The following MTA2 variants were observed in gnomAD, a reference collection of about 807,000 sequenced individuals.
MTA2 encodes metastasis-associated protein MTA2.
In MTA2, 22 loss-of-function variants were observed where a neutral mutation model predicts 87.1. That is an observed-to-expected ratio of 0.25 (90% confidence interval 0.18 to 0.36). The LOEUF (loss-of-function observed/expected upper bound fraction) is 0.36, where lower values mean the gene tolerates loss of function less well. Ranked by LOEUF, MTA2 falls within the 10% of genes least tolerant of loss-of-function variation. MTA2 has a pLI of 1.00. For missense variants in MTA2, 542 were observed against 853.2 expected, an observed-to-expected ratio of 0.64 and a Z score of 4.54; for synonymous variants, 314 against 310.1, an observed-to-expected ratio of 1.01 and a Z score of -0.13.
At position 62,596,771 on chromosome 11, in the gene MTA2, A is replaced by C; in HGVS notation, c.748T>G (p.Ser250Ala). The C allele has an allele frequency of 1.2e-6, 2 of 1,614,060 alleles. No individual in the cohort carries two copies. Among genetic ancestry groups the C allele is most frequent in the Non-Finnish European group, 1.7e-6 (2 of 1,179,932 alleles). ...GGGCCTCCCTGGGGTACCAGGGTCGACATGGCCTTAGCCAGGTCGTAGCCG... is the reference window on the plus strand; with the variant it reads ...GGGCCTCCCTGGGGTACCAGGGTCGCCATGGCCTTAGCCAGGTCGTAGCCG... ...RNGYDLAKAM[S>A]TLVPQGGPVL... is the part of the protein sequence containing the mutation. The change falls in exon 9 of 18, where the codon TCG becomes GCG. Residue 250 changes from serine to alanine, a missense_variant. Ser to Ala is a moderately conservative substitution (Grantham distance 99, BLOSUM62 1). Around this residue, in one of 6 missense-constraint regions of MTA2, gnomAD observed 44 missense variants for 104.8 expected, o/e 0.42. Transcript: ENST00000278823.
chr11:62,601,726 C>T lies in MTA2; in HGVS notation c.-276G>A. On this transcript the variant is annotated 5_prime_UTR_variant, in exon 1 of 18. Coordinates refer to ENST00000278823, the MANE Select transcript of MTA2 (RefSeq NM_004739.4). ...GAGCTCGGCTCCTGCCAGGCCAGAGCCAGGCTCCAGCTACCCCCGCCCCCG... is the reference window on the plus strand; with the variant it reads ...GAGCTCGGCTCCTGCCAGGCCAGAGTCAGGCTCCAGCTACCCCCGCCCCCG... 1 of 518,382 alleles carries T rather than the reference C, an allele frequency of 1.9e-6. No individual in the cohort carries two copies. Among genetic ancestry groups the T allele is most frequent in the Non-Finnish European group, 3.4e-6 (1 of 297,568 alleles). 32.1% of individuals were successfully genotyped at this position (518,382 alleles called of 1,614,324 possible).
At chr11:62,598,733 G>A (rs1942133176) in intron 3 of MTA2, 94 bp from the exon 4 acceptor site, 5 of 1,196,578 alleles carry the variant, frequency 4.2e-6, no homozygotes. Context: ...TTCCTATCTT[G>A]GCTGTTTTTT....
rs111708845 is a variant in MTA2, at chr11:62,600,709, G to A, written c.29-20C>T. The A allele has an allele frequency of 4.4e-6, 7 of 1,608,738 alleles. No individual in the cohort carries two copies. In the African/African-American group the frequency reaches 6.7e-5, roughly 15 times the overall value. On this transcript the variant is annotated intron_variant, in intron 1 of 17. Transcript: ENST00000278823. ...CGTAATCTGTAAGGGAAGGGAGGGG[G>A]GAGAACCACGAAGATCAGAGGAGAT...
chr11:62,595,567 G>C lies in MTA2; in HGVS notation c.1255-75C>G. The C allele has an allele frequency of 6.4e-7, 1 of 1,558,672 alleles. No homozygotes were observed. Among genetic ancestry groups the C allele is most frequent in the Non-Finnish European group, 8.8e-7 (1 of 1,137,924 alleles). On this transcript the variant is annotated intron_variant, in intron 13 of 17. Transcript: ENST00000278823. This position sits in a 1 kb window ranked among gnomAD's most constrained non-coding sequence, Gnocchi z 4.9. The stretch of plus-strand genomic sequence containing the variant: ...TCCCTTCTTTCTTCCATTCCCTGCA[G>C]GGGACAATTTATTCCTGTCTAATCT...
intron 15 of MTA2, 59 bp from the exon 16 acceptor site, chr11:62,594,693 T>G: frequency 6.7e-7 from 1 of 1,481,814 alleles, no homozygotes; most frequent in Non-Finnish European, 9.4e-7. Flanking sequence ...CCTTTGTTAC[T>G]TCCATCTCTC....
chr11:62,600,383 GA>G (rs1431646575), intron 2 of MTA2, 124 bp from the exon 3 acceptor site: 1 of 880,244 alleles, frequency 1.1e-6, no homozygotes, highest in African/African-American at 1.7e-5. Context: ...AAAAGCCCAA[GA>G]AAATATGAGT....
intron 17 of MTA2, 55 bp from the exon 18 acceptor site, chr11:62,594,095 C>G: frequency 6.4e-7 from 1 of 1,552,388 alleles, no homozygotes; most frequent in Non-Finnish European, 8.7e-7. Flanking sequence ...ATTAAGACCT[C>G]CAGGTGAAGC....
In MTA2 at chr11:62,594,991, G is replaced by A. The variant is rs1399543501; in HGVS notation, c.1563C>T (p.Val521=). Residue 521 remains valine (V), a synonymous_variant, in exon 15 of 18, where the codon GTC becomes GTT. Transcript: ENST00000278823. ...GTCCCCATCCCATACCCAGATCTTT[G>A]ACGATAGTTGCCAGGGGCAGCCGCA... ...PLVRLPLATI[V]KDLVAQAPLK... is the part of the protein sequence containing the mutation. 1 of 1,613,984 alleles carries A rather than the reference G, an allele frequency of 6.2e-7. No homozygotes were observed. The highest frequency in any genetic ancestry group is 8.5e-7 in the Non-Finnish European group (1 of 1,180,010).
At chr11:62,601,401 T>A (rs1032127571) in intron 1 of MTA2, 22 bp downstream of exon 1, 1 of 1,609,610 alleles carries the variant, frequency 6.2e-7, no homozygotes. Context: ...CCGGGCCCCG[T>A]ATCCCTGCGC....
At position 62,594,415 on chromosome 11, in the gene MTA2, AG is replaced by A. The variant is rs753416555; in HGVS notation, c.1693-9del. ...AACCCCTGCCCCTGCCATCTGGAAA[AG>A]GGGTAGGATGGCACAATGAGGGAAG... On this transcript the variant is annotated splice_polypyrimidine_tract_variant and intron_variant, in intron 16 of 17. Coordinates refer to ENST00000278823, the MANE Select transcript of MTA2 (RefSeq NM_004739.4). 5.3e-5 allele frequency: 85 copies of A among 1,613,982 alleles called. 1 individual carries two copies. The highest frequency in any genetic ancestry group is 6.9e-5 in the Non-Finnish European group (81 of 1,180,006).
intron 16 of MTA2, 23 bp from the exon 17 acceptor site, chr11:62,594,430 C>T (rs775365994): frequency 6.2e-7 from 1 of 1,613,898 alleles, no homozygotes; most frequent in African/African-American, 1.3e-5. Flanking sequence ...TAGGATGGCA[C>T]AATGAGGGAA....
At position 62,597,729 on chromosome 11, in the gene MTA2, T is replaced by C. The variant is rs765381235; in HGVS notation, c.491-17A>G. 1.2e-6 allele frequency: 2 copies of C among 1,608,948 alleles called. No individual in the cohort carries two copies. The highest frequency in any genetic ancestry group is 1.7e-4 in the Middle Eastern group (1 of 6,058). ...CAGATTCTCCTGGGGAAAAGAACAATGGCATCAACAGGGAGAGGGCAGGGG... is the reference window on the plus strand; with the variant it reads ...CAGATTCTCCTGGGGAAAAGAACAACGGCATCAACAGGGAGAGGGCAGGGG... On this transcript the variant is annotated splice_polypyrimidine_tract_variant and intron_variant, in intron 6 of 17. Transcript: ENST00000278823.
In MTA2 at chr11:62,600,174, C is replaced by G; in HGVS notation, c.182G>C (p.Ser61Thr). The change falls in exon 3 of 18, where the codon AGT becomes ACT. Residue 61 changes from serine to threonine, a missense_variant. Ser to Thr is a moderately conservative substitution (Grantham distance 58, BLOSUM62 1). Around this residue, in one of 6 missense-constraint regions of MTA2, gnomAD observed 150 missense variants for 243.9 expected, o/e 0.62. Coordinates refer to ENST00000278823, the MANE Select transcript of MTA2 (RefSeq NM_004739.4). Reference protein sequence around the residue: ...ISSSLNSLADSNAREFEEESK... With the variant: ...ISSSLNSLADTNAREFEEESK... ...GGGAGGAAGATACTCACTGGCATTA[C>G]TATCAGCCAGGCTGTTGAGGCTACT... 1 of 1,613,788 alleles carries G rather than the reference C, an allele frequency of 6.2e-7. No individual in the cohort carries two copies. The highest frequency in any genetic ancestry group is 8.5e-7 in the Non-Finnish European group (1 of 1,179,678).
chr11:62,594,252 G>A lies in MTA2; in HGVS notation c.1841+7C>T, dbSNP rs542150272. 4.2e-5 allele frequency: 67 copies of A among 1,614,070 alleles called. No homozygotes were observed. The highest frequency in any genetic ancestry group is 1.8e-4 in the East Asian group (8 of 44,886). The stretch of plus-strand genomic sequence containing the variant: ...CCTCTCAGCCCCTCCCATGGTAGAC[G>A]CCTTACCTGGTATCCTTTGTGGCCA... On this transcript the variant is annotated splice_region_variant and intron_variant, in intron 17 of 17. Coordinates refer to ENST00000278823, the MANE Select transcript of MTA2 (RefSeq NM_004739.4).
Position 62,594,531 on chromosome 11 carries a change from T to C in MTA2, c.1677A>G (p.Lys559=), listed in dbSNP as rs1167385210. The C allele has an allele frequency of 6.2e-7, 1 of 1,613,814 alleles. No homozygotes were observed. Among genetic ancestry groups the C allele is most frequent in the African/African-American group, 1.3e-5 (1 of 74,880 alleles). The change falls in exon 16 of 18, where the codon AAA becomes AAG. Residue 559 remains lysine, a synonymous_variant. Transcript: ENST00000278823. ...QNRGLGGIMV[K]RAYETMAGAG... ...GTCAACTCACAGTCTCATAGGCCCG[T>C]TTCACCATAATGCCCCCCAGTCCCC... is the stretch of plus-strand genomic sequence containing the variant.
At position 62,595,335 on chromosome 11, in the gene MTA2, TC is replaced by T; in HGVS notation, c.1411del (p.Asp471ThrfsTer37). ...GGCGGCCCTCCTTGGCTGTAATAGG[TC>T]CCTGCACATGCGTCTGGCAAGACGG... Reference protein sequence around the residue: ...LTRLARRMCRDLLQPRRAARR... With the variant: ...LTRLARRMCRXLLQPRRAARR... On this transcript the variant is annotated frameshift_variant, in exon 14 of 18. Coordinates refer to ENST00000278823, the MANE Select transcript of MTA2 (RefSeq NM_004739.4). LOFTEE classifies it high-confidence loss of function. This position sits in a 1 kb window ranked among gnomAD's most constrained non-coding sequence, Gnocchi z 4.9. 1 of 1,614,146 alleles carries T rather than the reference TC, an allele frequency of 6.2e-7. No individual in the cohort carries two copies.
rs1341359719 is a variant in MTA2, at chr11:62,595,316, C to T, written c.1431G>A (p.Arg477=). 6.2e-7 allele frequency: 1 copy of T among 1,614,226 alleles called. No homozygotes were observed. The highest frequency in any genetic ancestry group is 8.5e-7 in the Non-Finnish European group (1 of 1,180,044). The part of the protein sequence containing the change: ...RMCRDLLQPR[R]AARRPYAPIN... ...TAGGAGCATAAGGCCGTCGGGCGGC[C>T]CTCCTTGGCTGTAATAGGTCCCTGC... The change falls in exon 14 of 18, where the codon AGG becomes AGA. Residue 477 remains arginine (R), a synonymous_variant. Transcript: ENST00000278823. The surrounding 1 kb of genome is among the most constrained non-coding windows in gnomAD (Gnocchi z 4.9).
Position 62,597,339 on chromosome 11 carries a change from C to T in MTA2, c.670G>A (p.Ala224Thr), listed in dbSNP as rs756122931. The T allele has an allele frequency of 6.2e-7, 1 of 1,608,206 alleles. No individual in the cohort carries two copies. The highest frequency in any genetic ancestry group is 8.5e-7 in the Non-Finnish European group (1 of 1,178,312). Residue 224 changes from alanine to threonine, a missense_variant, in exon 8 of 18, where the codon GCT (alanine) becomes ACT (threonine). Ala to Thr is a moderately conservative substitution (Grantham distance 58). This residue lies in a region of MTA2 where 44 missense variants were observed against 104.8 expected (regional missense o/e 0.42). Transcript: ENST00000278823. ...RQPSLHMSAAAASRDITLFHA... is the reference protein window; with the variant it reads ...RQPSLHMSAATASRDITLFHA... ...ACCAGAGTGATATCTCGGGAGGCAG[C>T]AGCTGCACTCATGTGCAAGCTTGGC...
chr11:62,594,549 C>G lies in MTA2; in HGVS notation c.1659G>C (p.Leu553=), dbSNP rs2134322437. Residue 553 remains leucine, a synonymous_variant, in exon 16 of 18, where the codon CTG becomes CTC. Coordinates refer to ENST00000278823, the MANE Select transcript of MTA2 (RefSeq NM_004739.4). ...NRNQLSQNRG[L]GGIMVKRAYE... is the part of the protein sequence containing the mutation. ...AGGCCCGTTTCACCATAATGCCCCC[C>G]AGTCCCCGGTTCTGGGACAGCTGGT... is the stretch of plus-strand genomic sequence containing the variant. 5.6e-6 allele frequency: 9 copies of G among 1,614,220 alleles called. 1 individual carries two copies. Among genetic ancestry groups the G allele is most frequent in the South Asian group, 4.4e-5 (4 of 91,086 alleles).
Sources: allele counts gnomAD v4.1 joint callset, GRCh38; gene constraint gnomAD v4.1.1; regional missense constraint gnomAD v4.1.1; non-coding constraint Gnocchi (gnomAD v3.1); transcripts MANE v1.5; gene names NCBI Gene and HGNC (gene_info 2026-07-23, HGNC 2026-07-21).